USP1: variants seen among roughly 807,000 people sequenced by gnomAD.
The protein encoded by USP1 is ubiquitin carboxyl-terminal hydrolase 1.
USP1 carries 18 observed loss-of-function variants against 72.2 expected under a neutral mutation model. The ratio of observed to expected loss-of-function variants is 0.25; its 90% CI spans 0.17 to 0.37. The LOEUF (loss-of-function observed/expected upper bound fraction) is 0.37. Among genes scored for constraint, USP1 ranks in the 10% least tolerant of loss-of-function variants. The pLI, the probability that USP1 is intolerant of heterozygous loss-of-function variation, is 1.00. For missense variants in USP1, 759 were observed against 884.9 expected (o/e 0.86, Z 1.81); for synonymous variants, 354 against 303.7 (o/e 1.17, Z -1.72).
In USP1 at chr1:62,443,234, C is replaced by G. The variant is rs1645145565; in HGVS notation, c.472C>G (p.Gln158Glu). 1 of 1,613,908 alleles carries G rather than the reference C, an allele frequency of 6.2e-7. No homozygotes were observed. Among genetic ancestry groups the G allele is most frequent in the Admixed American group, 1.7e-5 (1 of 59,988 alleles). ...ACAGTCCTTAATCATTTCGGTTGAA[C>G]AGCTCCAGGCTAGTTTTCTCTTAAA... Reference protein sequence around the residue: ...SLQSLIISVEQLQASFLLNPE... With the variant: ...SLQSLIISVEELQASFLLNPE... Residue 158 changes from glutamine (Q) to glutamate (E), a missense_variant, in exon 5 of 9, where the codon CAG becomes GAG. Transcript: ENST00000339950.
rs755962893 is a variant in USP1, at chr1:62,443,326, C to T, written c.557+7C>T. The T allele has an allele frequency of 6.3e-7, 1 of 1,582,950 alleles. No individual in the cohort carries two copies. The highest frequency in any genetic ancestry group is 1.2e-5 in the South Asian group (1 of 85,254). ...GACTGCTTAACACACTGAGGTATAG[C>T]CTATAATATAATTTTAGGGTTTCAA... On this transcript the variant is annotated splice_region_variant and intron_variant, in intron 5 of 8. Coordinates refer to ENST00000339950, the MANE Select transcript of USP1 (RefSeq NM_003368.5).
At chr1:62,443,028 T>A in intron 4 of USP1, 131 bp from the exon 5 acceptor site, 1 of 964,106 alleles carries the variant, frequency 1.0e-6, no homozygotes, top group South Asian at 1.9e-5. Flanking sequence ...AAGGCTTATT[T>A]GTACATCCCT....
chr1:62,448,428 G>C, intron 7 of USP1, 37 bp from the exon 8 acceptor site: 2 of 1,587,424 alleles, frequency 1.3e-6, no homozygotes, highest in Non-Finnish European at 1.7e-6. Flanking sequence ...TTGAATGCCT[G>C]AGAGAAGTAT....
At chr1:62,442,170 CTT>C (rs750113193) in intron 3 of USP1, 23 bp from the exon 4 acceptor site, 1 of 1,460,518 alleles carries the variant, frequency 6.8e-7, no homozygotes, top group South Asian at 1.2e-5. Context: ...TCAGTAAACA[CTT>C]AAGACAATCT....
rs114599702 is a variant in USP1 at position 62,446,053 on chromosome 1, T to C, written c.1249+624T>C. On this transcript the variant is annotated intron_variant, in intron 6 of 8. Transcript: ENST00000339950. ...GTACATTTAAGAGTACATTTCCCTT[T>C]ATGCAGTGTTTGACATAAACTGATG... 7.5e-3 allele frequency among the ~76,000 whole-genome samples: 1,144 copies of C among 152,352 alleles called. 15 individuals are homozygous for C. The highest frequency in any genetic ancestry group is 0.026 in the African/African-American group (1,073 of 41,578).
chr1:62,437,028 C>T (rs903847628), upstream of USP1: 6 of 398,134 alleles, frequency 1.5e-5, no homozygotes, highest in African/African-American at 1.0e-4. Context: ...GAGGCTAAAA[C>T]ACGGGGGTCC....
In USP1 at chr1:62,440,011, A is replaced by G; in HGVS notation, c.144A>G (p.Lys48=). 6.5e-7 allele frequency: 1 copy of G among 1,549,304 alleles called. No homozygotes were observed. Among genetic ancestry groups the G allele is most frequent in the South Asian group, 1.3e-5 (1 of 79,722 alleles). ...CAGATTCTCAAGAAAATGAAGAAAA[A>G]GCTTCTGAATATAGAGCATCTGAAA... is the stretch of plus-strand genomic sequence containing the variant. ...DFTDSQENEE[K]ASEYRASEID... Residue 48 remains lysine, a synonymous_variant, in exon 2 of 9, where the codon AAA becomes AAG. Transcript: ENST00000339950.
At position 62,439,881 on chromosome 1, in the gene USP1, T is replaced by C. The variant is rs780559533; in HGVS notation, c.14T>C (p.Ile5Thr). 7.4e-6 allele frequency: 11 copies of C among 1,486,074 alleles called. No homozygotes were observed. The highest frequency in any genetic ancestry group is 3.6e-6 in the Non-Finnish European group (4 of 1,120,662). The allele number at this position is 1,486,074 out of a possible 1,614,324, so 92.1% of individuals were successfully genotyped here. The change falls in exon 2 of 9, where the codon ATA becomes ACA. Residue 5 changes from isoleucine (I) to threonine (T), a missense_variant. Physicochemically the swap from Ile to Thr is moderately conservative, Grantham distance 89. Transcript: ENST00000339950. MPGVIPSESNGLSRG... is the reference protein window; with the variant it reads MPGVTPSESNGLSRG... ...TTGAAGAAAAAAATGCCTGGTGTCA[T>C]ACCTAGTGAAAGTAATGGACTTTCA... is the stretch of plus-strand genomic sequence containing the variant.
intron 6 of USP1, among the ~76,000 whole-genome samples, chr1:62,446,617 T>C (rs969265319): frequency 6.6e-5 from 10 of 152,182 alleles, no homozygotes; most frequent in African/African-American, 2.4e-4. Context: ...TGGTAGGTGG[T>C]GCATAACTGT....
intron 1 of USP1, among the ~76,000 whole-genome samples, chr1:62,438,121 G>C (rs1317590029): frequency 2.6e-5 from 4 of 152,104 alleles, no homozygotes; most frequent in African/African-American, 9.7e-5. Flanking sequence ...CTCGGTGTGA[G>C]CTTTGCTTTG....
At position 62,443,177 on chromosome 1, in the gene USP1, T is replaced by G; in HGVS notation, c.415T>G (p.Ser139Ala). 6.2e-7 allele frequency: 1 copy of G among 1,609,458 alleles called. No individual in the cohort carries two copies. The highest frequency in any genetic ancestry group is 8.5e-7 in the Non-Finnish European group (1 of 1,178,916). Residue 139 changes from serine to alanine, a missense_variant, in exon 5 of 9, where the codon TCT becomes GCT. Coordinates refer to ENST00000339950, the MANE Select transcript of USP1 (RefSeq NM_003368.5). ...TTGACAGGGAAATTGCAAAGAAGAT[T>G]CTTTGGCAAGTTATGAATTGATATG... ...QKDKGNCKED[S>A]LASYELICSL... is the part of the protein sequence containing the mutation.
At chr1:62,438,840 C>T (rs1645111060) in intron 1 of USP1, among the ~76,000 whole-genome samples, 1 of 152,070 alleles carries the variant, frequency 6.6e-6, no homozygotes, top group South Asian at 2.1e-4. Context: ...GTTTGGAAAA[C>T]GAGTATTGTG....
chr1:62,447,849 T>C (rs1412235718), intron 7 of USP1, among the ~76,000 whole-genome samples: 2 of 152,218 alleles, frequency 1.3e-5, no homozygotes, highest in Admixed American at 6.5e-5. Context: ...TGCAGTGGCG[T>C]GATCTCGGCT....
In USP1 at chr1:62,444,833, T is replaced by C; in HGVS notation, c.653T>C (p.Leu218Pro). 1 of 1,612,986 alleles carries C rather than the reference T, an allele frequency of 6.2e-7. No individual in the cohort carries two copies. Among genetic ancestry groups the C allele is most frequent in the Non-Finnish European group, 8.5e-7 (1 of 1,179,668 alleles). The part of the protein sequence containing the change: ...LGNIQETCQL[L>P]KKEEVKNVAE... ...AACATTCAAGAAACATGCCAACTCC[T>C]AAAAAAAGAAGAAGTAAAAAATGTG... The change falls in exon 6 of 9, where the codon CTA becomes CCA. Residue 218 changes from leucine (L) to proline (P), a missense_variant. By Grantham distance (98) the Leu-to-Pro change is moderately conservative. Around this residue, in one of 9 missense-constraint regions of USP1, gnomAD observed 245 missense variants for 240.7 expected, o/e 1.02. Coordinates refer to ENST00000339950, the MANE Select transcript of USP1 (RefSeq NM_003368.5).
At chr1:62,440,917 G>A (rs1046348247) in intron 2 of USP1, among the ~76,000 whole-genome samples, 4 of 152,006 alleles carry the variant, frequency 2.6e-5, no homozygotes, top group African/African-American at 9.7e-5. Context: ...GAATTCCTGG[G>A]CTCGAGCAGT....
intron 1 of USP1, 39 bp downstream of exon 1, chr1:62,437,439 C>CG: frequency 2.8e-6 from 1 of 351,020 alleles, no homozygotes; most frequent in Admixed American, 4.8e-5. Context: ...CTCCCGGGCG[C>CG]GGGGGCAAGT....
chr1:62,446,105 A>C (rs1160861944), intron 6 of USP1, among the ~76,000 whole-genome samples: 1 of 152,246 alleles, frequency 6.6e-6, no homozygotes, highest in Admixed American at 6.5e-5. Flanking sequence ...GTGAAATTTT[A>C]AAAGTAAAGA....
intron 1 of USP1, among the ~76,000 whole-genome samples, chr1:62,438,481 A>T (rs1196567480): frequency 2.6e-5 from 4 of 152,178 alleles, no homozygotes; most frequent in Non-Finnish European, 5.9e-5. Context: ...TTCAGTATGA[A>T]TTCCTAGATC....
chr1:62,446,121 TAC>T (rs1485586998), intron 6 of USP1, among the ~76,000 whole-genome samples: 1 of 152,204 alleles, frequency 6.6e-6, no homozygotes, highest in African/African-American at 2.4e-5. Context: ...AAAGACTAAG[TAC>T]AGTCATGTGT....
Sources: gnomAD v4.1 joint callset for allele counts (sites outside exome capture counted in the v4.1 genomes callset) on GRCh38, gnomAD v4.1.1 for gene constraint, gnomAD v4.1.1 regional missense constraint, MANE v1.5 for transcripts, NCBI Gene and HGNC (gene_info 2026-07-23, HGNC 2026-07-21) for gene names.